Variants in COMTD1 observed in about 807,000 individuals in gnomAD.
COMTD1 encodes the protein catechol-O-methyltransferase domain containing 1.
In COMTD1, 35 loss-of-function variants were observed where a neutral mutation model predicts 33.6. The observed-to-expected ratio is 1.04, with a 90% CI of 0.80 to 1.38. The LOEUF (loss-of-function observed/expected upper bound fraction) is 1.38, where lower values mean the gene tolerates loss of function less well. Among genes scored for constraint, COMTD1 ranks in the 40% most tolerant of loss-of-function variants. The probability of loss-of-function intolerance (pLI) is 0.00; values close to 1 mark genes in which losing one functional copy is unlikely to be tolerated. For synonymous variants in COMTD1, 160 were observed against 176.8 expected (o/e 0.91, Z 0.75); for missense variants, 370 against 363.4 (o/e 1.02, Z -0.15).
At chr10:75,234,789 G>A in intron 5 of COMTD1, 46 bp from the exon 6 acceptor site, 1 of 1,543,168 alleles carries the variant, frequency 6.5e-7, no homozygotes, top group Non-Finnish European at 8.7e-7. Context: ...CGCGGCCCCG[G>A]CGGCCCTGAG....
intron 6 of COMTD1, 97 bp from the exon 7 acceptor site, chr10:75,234,322 G>A (rs1842154507): frequency 1.4e-5 from 18 of 1,309,632 alleles, no homozygotes; most frequent in Middle Eastern, 1.9e-4. Context: ...GTGCCCGGGC[G>A]GGAGGCGGGG....
chr10:75,235,536 G>A, intron 2 of COMTD1, 80 bp downstream of exon 2: 1 of 1,460,528 alleles, frequency 6.8e-7, no homozygotes, highest in Non-Finnish European at 9.1e-7. Context: ...GAGGGCCAGG[G>A]CCCAGCCCAA....
At position 75,234,017 on chromosome 10, in the gene COMTD1, C is replaced by G; in HGVS notation, c.*56G>C. The G allele has an allele frequency of 6.2e-7, 1 of 1,612,884 alleles. No individual in the cohort carries two copies. Among genetic ancestry groups the G allele is most frequent in the South Asian group, 1.1e-5 (1 of 91,018 alleles). ...TATTTTCGAATTTAAAACTCAGGGT[C>G]AATTCCTGGGGTTCCCAGGCAACCC... On this transcript the variant is annotated 3_prime_UTR_variant, in exon 7 of 7. Transcript: ENST00000372538.
rs1842167226 is a variant in COMTD1, at chr10:75,234,855, C to G, written c.502+83G>C. On this transcript the variant is annotated intron_variant, in intron 5 of 6. Coordinates refer to ENST00000372538, the MANE Select transcript of COMTD1 (RefSeq NM_144589.4). ...CAACCGGCCCTGCCCTTAACCTGCC[C>G]GGCAGGCCCAGTCACAGCTCGGCCA... 13 of 1,529,854 alleles carry G rather than the reference C, an allele frequency of 8.5e-6. No individual in the cohort carries two copies. The East Asian group carries it at 2.6e-4, about 30-fold the overall frequency. The allele number at this position is 1,529,854 out of a possible 1,614,324, so 94.8% of individuals were successfully genotyped here.
Position 75,235,255 on chromosome 10 carries a change from G to C in COMTD1, c.328+12C>G. On this transcript the variant is annotated intron_variant, in intron 3 of 6. Transcript: ENST00000372538. ...ACCTCGGCCCTCCGGGATCCCGGCC[G>C]CGTGCCCCTACCCAGGTCCAGCGCC... 6.6e-7 allele frequency: 1 copy of C among 1,514,898 alleles called. No homozygotes were observed. The highest frequency in any genetic ancestry group is 8.8e-7 in the Non-Finnish European group (1 of 1,133,522). 93.8% of individuals were successfully genotyped at this position (1,514,898 alleles called of 1,614,324 possible).
intron 2 of COMTD1, 83 bp from the exon 3 acceptor site, chr10:75,235,455 TG>T: frequency 7.4e-7 from 1 of 1,353,936 alleles, no homozygotes. Context: ...GGCGCGGTTC[TG>T]GGCGTGGCCT....
Position 75,235,905 on chromosome 10 carries a change from G to C in COMTD1, c.24C>G (p.Leu8=). The C allele has an allele frequency of 6.7e-7, 1 of 1,482,124 alleles. No individual in the cohort carries two copies. Among genetic ancestry groups the C allele is most frequent in the Non-Finnish European group, 8.9e-7 (1 of 1,125,448 alleles). The allele number at this position is 1,482,124 out of a possible 1,614,324, so 91.8% of individuals were successfully genotyped here. MTQPVPR[L]SVPAALALGS... ...CCAGGGCCAGCGCGGCGGGCACGGA[G>C]AGCCGGGGCACCGGCTGGGTCATGG... The change falls in exon 1 of 7, where the codon CTC becomes CTG. Residue 8 remains leucine, a synonymous_variant. Transcript: ENST00000372538.
At chr10:75,234,532 G>GT in intron 6 of COMTD1, 78 bp downstream of exon 6, 2 of 1,493,914 alleles carry the variant, frequency 1.3e-6, no homozygotes, top group Non-Finnish European at 1.8e-6. Flanking sequence ...GGGCTTTGGG[G>GT]TATAAGAGGA....
intron 3 of COMTD1, 44 bp from the exon 4 acceptor site, chr10:75,235,222 G>A: frequency 2.0e-6 from 3 of 1,468,574 alleles, no homozygotes; most frequent in Non-Finnish European, 1.8e-6. Context: ...GTGGGGGTCG[G>A]CCCGGAAACC....
chr10:75,233,873 G>C lies in COMTD1; in HGVS notation c.*200C>G, dbSNP rs924524408. 2.9e-6 allele frequency: 4 copies of C among 1,368,250 alleles called. No homozygotes were observed. The African/African-American group carries it at 5.8e-5, about 20-fold the overall frequency. 84.8% of individuals were successfully genotyped at this position (1,368,250 alleles called of 1,614,324 possible). A position where few individuals can be genotyped will look rare whatever the true frequency, so the allele number is the denominator to read the frequency against. ...GGCCACAGACCTGGCGCCAGGGAGG[G>C]GACGAATCTCAAGGCCCCTTTCACT... On this transcript the variant is annotated 3_prime_UTR_variant, in exon 7 of 7. Coordinates refer to ENST00000372538, the MANE Select transcript of COMTD1 (RefSeq NM_144589.4).
rs1157915545 is a variant in COMTD1 at position 75,235,383 on chromosome 10, G to A, written c.223-11C>T. On this transcript the variant is annotated splice_polypyrimidine_tract_variant and intron_variant, in intron 2 of 6. Coordinates refer to ENST00000372538, the MANE Select transcript of COMTD1 (RefSeq NM_144589.4). ...CTGCTCCAGGGTCAGCTGCGTGAAA[G>A]GAGAGGGTGGCACCAGCCATGCAGG... The A allele has an allele frequency of 1.3e-6, 2 of 1,540,256 alleles. No individual in the cohort carries two copies.
In COMTD1 at chr10:75,235,250, C is replaced by T. The variant is rs1201999093; in HGVS notation, c.328+17G>A. 8.6e-6 allele frequency: 13 copies of T among 1,506,020 alleles called. No individual in the cohort carries two copies. Among genetic ancestry groups the T allele is most frequent in the South Asian group, 1.3e-5 (1 of 78,138 alleles). 93.3% of individuals were successfully genotyped at this position (1,506,020 alleles called of 1,614,324 possible). A position where few individuals can be genotyped will look rare whatever the true frequency, so the allele number is the denominator to read the frequency against. On this transcript the variant is annotated intron_variant, in intron 3 of 6. Transcript: ENST00000372538. ...CGGAAACCTCGGCCCTCCGGGATCC[C>T]GGCCGCGTGCCCCTACCCAGGTCCA...
chr10:75,234,550 G>GAA, intron 6 of COMTD1, 60 bp downstream of exon 6: 1 of 1,509,240 alleles, frequency 6.6e-7, no homozygotes, highest in Non-Finnish European at 8.9e-7. Flanking sequence ...GGAGTCAAGG[G>GAA]AAAAGATGGG....
At chr10:75,235,592 G>A (rs375559155) in intron 2 of COMTD1, 24 bp downstream of exon 2, 11 of 1,565,862 alleles carry the variant, frequency 7.0e-6, no homozygotes, top group Non-Finnish European at 9.5e-6. Flanking sequence ...AGGGACGCCC[G>A]TTTCCGTCCC....
rs1244997108 is a variant in COMTD1 at position 75,235,835 on chromosome 10, C to A, written c.94G>T (p.Gly32Trp). 1 of 1,534,972 alleles carries A rather than the reference C, an allele frequency of 6.5e-7. No homozygotes were observed. The highest frequency in any genetic ancestry group is 2.5e-5 in the East Asian group (1 of 40,450). Residue 32 changes from glycine to tryptophan, a missense_variant and splice_region_variant, in exon 1 of 7, where the codon GGG (glycine) becomes TGG (tryptophan). Transcript: ENST00000372538. Reference protein sequence around the residue: ...GAAFATGLFLGRRCPPWRGRR... With the variant: ...GAAFATGLFLWRRCPPWRGRR... ...CCCGCCGGGACCAGGTCCTGCTCAC[C>A]CAGGAAGAGGCCAGTGGCGAAGGCG...
intron 6 of COMTD1, 110 bp downstream of exon 6, chr10:75,234,500 G>C: frequency 3.5e-6 from 5 of 1,431,598 alleles, no homozygotes; most frequent in Non-Finnish European, 4.6e-6. Context: ...AGGGGGTGTA[G>C]CCTACGTGAC....
chr10:75,233,650 A>G lies in COMTD1; in HGVS notation c.*423T>C, dbSNP rs1270940350. ...CAAGTGACACCCGTGGTCCCCTGCA[A>G]TCCTCTTTCATGTTGTCAGACACCA... On this transcript the variant is annotated 3_prime_UTR_variant, in exon 7 of 7. Coordinates refer to ENST00000372538, the MANE Select transcript of COMTD1 (RefSeq NM_144589.4). Among the ~76,000 whole-genome samples the G allele has an allele frequency of 1.3e-5, 2 of 152,190 alleles. No individual in the cohort carries two copies. Among genetic ancestry groups the G allele is most frequent in the Admixed American group, 1.3e-4 (2 of 15,278 alleles).
chr10:75,235,813 G>A (rs1167209198), intron 1 of COMTD1, 22 bp downstream of exon 1: 2 of 574,294 alleles, frequency 3.5e-6, no homozygotes, highest in South Asian at 1.5e-5. Context: ...CCACCCGCCC[G>A]CCGGGACCAG....
chr10:75,235,022 C>T (rs1192991151), intron 4 of COMTD1, 30 bp from the exon 5 acceptor site: 19 of 1,490,702 alleles, frequency 1.3e-5, no homozygotes, highest in Middle Eastern at 4.0e-4. Flanking sequence ...GCCGTTGCGC[C>T]CCCGCCTGGG....
Sources: gnomAD v4.1 joint callset for allele counts (sites outside exome capture counted in the v4.1 genomes callset) on GRCh38, gnomAD v4.1.1 for gene constraint, MANE v1.5 for transcripts, NCBI Gene and HGNC (gene_info 2026-07-23, HGNC 2026-07-21) for gene names.